The following PPP3R1 variants were observed in gnomAD, a reference collection of about 807,000 sequenced individuals.
PPP3R1 encodes calcineurin subunit B type 1.
Under a neutral mutation model 22.6 loss-of-function variants are expected in PPP3R1, and 5 were observed. The observed-to-expected ratio is 0.22, with a 90% confidence interval of 0.12 to 0.46. PPP3R1 has a LOEUF of 0.46. Ranked by LOEUF, PPP3R1 falls within the 20% of genes least tolerant of loss-of-function variation. The pLI, the probability that PPP3R1 is intolerant of heterozygous loss-of-function variation, is 0.99. For missense variants in PPP3R1, 61 were observed against 203.2 expected, an observed-to-expected ratio of 0.30 and a Z score of 4.25; for synonymous variants, 56 against 65.2, an observed-to-expected ratio of 0.86 and a Z score of 0.68.
In PPP3R1 at chr2:68,217,038, A is replaced by ACACG. The variant is rs1553407188; in HGVS notation, c.43+53_43+54insCGTG. 51 of 1,267,394 alleles carry ACACG rather than the reference A, an allele frequency of 4.0e-5. 2 individuals carry two copies. Among genetic ancestry groups the ACACG allele is most frequent in the Admixed American group, 8.4e-5 (4 of 47,628 alleles). 78.5% of individuals were successfully genotyped at this position (1,267,394 alleles called of 1,614,324 possible). ...CACACACACACACACACACACACAC[A>ACACG]CAGAGAGAGATGAGTGAATAAAAGT... On this transcript the variant is annotated intron_variant, in intron 2 of 5. Transcript: ENST00000234310.
At chr2:68,186,348 A>T (rs1434184507) in intron 5 of PPP3R1, 120 bp downstream of exon 5, 1 of 896,090 alleles carries the variant, frequency 1.1e-6, no homozygotes, top group African/African-American at 1.7e-5. Flanking sequence ...CAATACGGGC[A>T]ATTAGGAAAA....
chr2:68,191,233 C>T (rs1476360438), intron 2 of PPP3R1, among the ~76,000 whole-genome samples: 3 of 152,144 alleles, frequency 2.0e-5, no homozygotes, highest in Non-Finnish European at 4.4e-5. Context: ...TTACACAAAC[C>T]TATGTGGGAC....
chr2:68,215,325 C>A (rs1669558810), intron 2 of PPP3R1, among the ~76,000 whole-genome samples: 1 of 151,826 alleles, frequency 6.6e-6, no homozygotes, highest in Non-Finnish European at 1.5e-5. Flanking sequence ...ATTCCAAAAC[C>A]CCCCCCAAAA....
chr2:68,217,037 C>CGG, intron 2 of PPP3R1, 55 bp downstream of exon 2: 4 of 1,279,950 alleles, frequency 3.1e-6, no homozygotes, highest in Non-Finnish European at 4.3e-6. Flanking sequence ...CACACACACA[C>CGG]ACAGAGAGAG....
chr2:68,243,654 T>C (rs927529501), intron 1 of PPP3R1, among the ~76,000 whole-genome samples: 1 of 152,162 alleles, frequency 6.6e-6, no homozygotes, highest in African/African-American at 2.4e-5. Context: ...AACATGGTCA[T>C]AGTTCAGACC....
intron 2 of PPP3R1, among the ~76,000 whole-genome samples, chr2:68,213,418 G>A (rs754342470): frequency 2.5e-4 from 38 of 152,114 alleles, no homozygotes; most frequent in Admixed American, 1.3e-4. Flanking sequence ...GAGAGTTGTG[G>A]GAATGGCCAG....
chr2:68,236,590 A>C (rs1021916317), intron 1 of PPP3R1, among the ~76,000 whole-genome samples: 1 of 152,156 alleles, frequency 6.6e-6, no homozygotes, highest in East Asian at 1.9e-4. Flanking sequence ...GGGGATAGCT[A>C]TGTACTGGTG....
chr2:68,192,708 ATCTT>A (rs1347031013), intron 2 of PPP3R1, among the ~76,000 whole-genome samples: 8 of 152,164 alleles, frequency 5.3e-5, no homozygotes, highest in African/African-American at 1.9e-4. Context: ...GCCAACAGTA[ATCTT>A]TCTAAAAGGC....
chr2:68,188,771 A>G, intron 2 of PPP3R1, 81 bp from the exon 3 acceptor site: 1 of 1,318,744 alleles, frequency 7.6e-7, no homozygotes, highest in Non-Finnish European at 1.0e-6. Context: ...CAAGATTTTA[A>G]AAAAAATTTT....
chr2:68,239,348 TAAAC>T (rs1670074920), intron 1 of PPP3R1, among the ~76,000 whole-genome samples: 2 of 152,240 alleles, frequency 1.3e-5, no homozygotes, highest in Admixed American at 6.5e-5. Context: ...GTTACAGAAA[TAAAC>T]AATATATGAA....
rs756916866 is a variant in PPP3R1 at position 68,217,170 on chromosome 2, C to T, written c.4-39G>A. The T allele has an allele frequency of 1.5e-5, 22 of 1,456,938 alleles. No homozygotes were observed. In the South Asian group the frequency reaches 1.7e-4, roughly 12 times the overall value. 90.3% of individuals were successfully genotyped at this position (1,456,938 alleles called of 1,614,324 possible). ...AAGAAATAATTAGTCATAAAATAGG[C>T]ACAAATTTGTTTAAAATATTAAACC... is the stretch of plus-strand genomic sequence containing the variant. On this transcript the variant is annotated intron_variant, in intron 1 of 5. Transcript: ENST00000234310.
At chr2:68,188,855 A>G (rs1247257900) in intron 2 of PPP3R1, among the ~76,000 whole-genome samples, 165 bp from the exon 3 acceptor site, 1 of 152,186 alleles carries the variant, frequency 6.6e-6, no homozygotes, top group Non-Finnish European at 1.5e-5. Context: ...AAAGAGGTAT[A>G]TATTATGTTA....
chr2:68,218,973 A>G (rs536498946), intron 1 of PPP3R1, among the ~76,000 whole-genome samples: 2 of 152,240 alleles, frequency 1.3e-5, no homozygotes, highest in South Asian at 4.1e-4. Context: ...GGACTTTCCC[A>G]TTAACAAAGA....
intron 2 of PPP3R1, among the ~76,000 whole-genome samples, chr2:68,210,978 A>G (rs1669467399): frequency 6.6e-6 from 1 of 152,220 alleles, no homozygotes; most frequent in Admixed American, 6.5e-5. Flanking sequence ...CCACCACAAT[A>G]AAGTGAATAA....
chr2:68,199,976 G>C (rs1674941816), intron 2 of PPP3R1, among the ~76,000 whole-genome samples: 1 of 152,044 alleles, frequency 6.6e-6, no homozygotes, highest in Non-Finnish European at 1.5e-5. Flanking sequence ...ATAAGACTGT[G>C]TTTCTTTCTT....
chr2:68,209,382 A>C (rs1289773636), intron 2 of PPP3R1, among the ~76,000 whole-genome samples: 33 of 138,294 alleles, frequency 2.4e-4, no homozygotes, highest in African/African-American at 7.6e-4. Flanking sequence ...AAAAAAAAAA[A>C]AAAAAAAAAC....
In PPP3R1 at chr2:68,179,997, A is replaced by C. The variant is rs1674367811; in HGVS notation, c.*966T>G. 6.6e-6 allele frequency: 1 copy of C among 152,240 alleles called. No homozygotes were observed. Among genetic ancestry groups the C allele is most frequent in the South Asian group, 2.1e-4 (1 of 4,834 alleles). The allele number at this position is 152,240 out of a possible 1,614,324, so 9.4% of individuals were successfully genotyped here. ...TTAATGACAAATTATTTACCCATGT[A>C]ATCAAACAAATGGATATCCCTTATA... On this transcript the variant is annotated 3_prime_UTR_variant, in exon 6 of 6. Transcript: ENST00000234310.
intron 1 of PPP3R1, among the ~76,000 whole-genome samples, chr2:68,246,510 T>C (rs1306768376): frequency 6.6e-6 from 1 of 152,176 alleles, no homozygotes; most frequent in Admixed American, 6.5e-5. Flanking sequence ...CTTGCCACCA[T>C]TACAACAAAC....
chr2:68,210,087 G>C (rs1308493428), intron 2 of PPP3R1, among the ~76,000 whole-genome samples: 1 of 152,162 alleles, frequency 6.6e-6, no homozygotes, highest in African/African-American at 2.4e-5. Flanking sequence ...AGCAAGGCAA[G>C]CCCAGCCTCA....
Sources: allele counts gnomAD v4.1 joint callset (sites outside exome capture counted in the v4.1 genomes callset), GRCh38; gene constraint gnomAD v4.1.1; transcripts MANE v1.5; gene names NCBI Gene and HGNC (gene_info 2026-07-23, HGNC 2026-07-21).